GMDS: variants seen among roughly 807,000 people sequenced by gnomAD.
GMDS encodes GDP-mannose 4,6 dehydratase.
Under a neutral mutation model 49.9 loss-of-function variants are expected in GMDS, and 20 were observed. The observed-to-expected ratio is 0.40, with a 90% CI of 0.28 to 0.58. The LOEUF is 0.58. GMDS is among the 20% of genes least tolerant of loss of function. GMDS has a pLI of 0.42. For missense variants in GMDS, 362 were observed against 481.4 expected (o/e 0.75, Z 2.32); for synonymous variants, 177 against 178.6 (o/e 0.99, Z 0.07).
intron 9 of GMDS, among the ~76,000 whole-genome samples, chr6:1,639,570 AG>A (rs576787971): frequency 5.8e-4 from 88 of 152,350 alleles, no homozygotes; most frequent in South Asian, 1.7e-3. Flanking sequence ...AGTCATCGCC[AG>A]CTGAGCATGA....
intron 7 of GMDS, among the ~76,000 whole-genome samples, chr6:1,781,997 C>T (rs1769111650): frequency 6.6e-6 from 1 of 152,082 alleles, no homozygotes; most frequent in African/African-American, 2.4e-5. Flanking sequence ...GACTGCACAG[C>T]AACAGGCTGT....
intron 1 of GMDS, among the ~76,000 whole-genome samples, chr6:2,239,718 C>T (rs1412755289): frequency 1.3e-5 from 2 of 150,668 alleles, no homozygotes; most frequent in South Asian, 4.2e-4. Flanking sequence ...TGGAGTCTTG[C>T]TCTGTCGCCC....
chr6:1,882,020 G>T (rs1561863272), intron 7 of GMDS, among the ~76,000 whole-genome samples: 1 of 152,166 alleles, frequency 6.6e-6, no homozygotes, highest in South Asian at 2.1e-4. Flanking sequence ...GATAATCTAA[G>T]TGATTATTTT....
At chr6:2,070,933 C>T (rs1771953518) in intron 4 of GMDS, among the ~76,000 whole-genome samples, 1 of 152,178 alleles carries the variant, frequency 6.6e-6, no homozygotes, top group Admixed American at 6.5e-5. Context: ...CTGCCACTAC[C>T]ACACACCACA....
intron 7 of GMDS, among the ~76,000 whole-genome samples, chr6:1,769,484 C>T (rs933527549): frequency 2.0e-5 from 3 of 152,244 alleles, no homozygotes; most frequent in African/African-American, 7.2e-5. Flanking sequence ...CTGTAATTCC[C>T]TGCCTTCCCT....
intron 7 of GMDS, among the ~76,000 whole-genome samples, chr6:1,855,859 T>C (rs187359575): frequency 2.6e-5 from 4 of 152,348 alleles, no homozygotes; most frequent in Admixed American, 1.3e-4. Flanking sequence ...CTCTTTTCTA[T>C]CTGCTACTAC....
chr6:2,029,658 T>C (rs1040958350), intron 4 of GMDS, among the ~76,000 whole-genome samples: 2 of 152,176 alleles, frequency 1.3e-5, no homozygotes, highest in Admixed American at 1.3e-4. Flanking sequence ...ACTTCTATTA[T>C]GAAATAATCT....
intron 1 of GMDS, among the ~76,000 whole-genome samples, chr6:2,133,234 G>T (rs2127520199): frequency 6.6e-6 from 1 of 152,182 alleles, no homozygotes; most frequent in East Asian, 1.9e-4. Context: ...AAAAAGAGAA[G>T]AATTATGAAA....
At chr6:1,740,117 C>G (rs938061595) in intron 8 of GMDS, among the ~76,000 whole-genome samples, 3 of 152,006 alleles carry the variant, frequency 2.0e-5, no homozygotes, top group African/African-American at 7.2e-5. Flanking sequence ...ATGCTTACAT[C>G]TTATTTTTCT....
intron 1 of GMDS, among the ~76,000 whole-genome samples, chr6:2,223,436 C>T (rs1780683796): frequency 6.7e-6 from 1 of 149,244 alleles, no homozygotes; most frequent in South Asian, 2.1e-4. Context: ...CAGATGGTCA[C>T]TCCAGCTAAA....
chr6:2,097,418 T>C (rs1037590248), intron 4 of GMDS, among the ~76,000 whole-genome samples: 4 of 152,048 alleles, frequency 2.6e-5, no homozygotes, highest in Non-Finnish European at 5.9e-5. Context: ...AGAAAGAGGG[T>C]GCAGCTTAAG....
At chr6:1,974,732 T>C (rs1192065745) in intron 4 of GMDS, among the ~76,000 whole-genome samples, 1 of 151,658 alleles carries the variant, frequency 6.6e-6, no homozygotes, top group Non-Finnish European at 1.5e-5. Context: ...CTAATGCCCA[T>C]AAAAAGGTAA....
At position 1,635,756 on chromosome 6, in the gene GMDS, A is replaced by T. The variant is rs1763126289; in HGVS notation, c.988-11216T>A. Among the ~76,000 whole-genome samples, 1 of 152,184 alleles carries T rather than the reference A, an allele frequency of 6.6e-6. No individual in the cohort carries two copies. The highest frequency in any genetic ancestry group is 6.5e-5 in the Admixed American group (1 of 15,272). On this transcript the variant is annotated intron_variant, in intron 9 of 10. Transcript: ENST00000380815. The surrounding 1 kb of genome is among the most constrained non-coding windows in gnomAD (Gnocchi z 4.7). ...CTAAAATGATACTGCGGTGGATGTG[A>T]AGGCGCTTTGGAAAAGACAGCTCTA... is the stretch of plus-strand genomic sequence containing the variant.
intron 1 of GMDS, among the ~76,000 whole-genome samples, chr6:2,216,925 A>G (rs948081239): frequency 6.6e-6 from 1 of 152,042 alleles, no homozygotes; most frequent in Non-Finnish European, 1.5e-5. Context: ...TCCTCACGGA[A>G]AGGGAGCTCA....
At chr6:1,861,014 T>A (rs765438876) in intron 7 of GMDS, among the ~76,000 whole-genome samples, 1 of 152,200 alleles carries the variant, frequency 6.6e-6, no homozygotes, top group Non-Finnish European at 1.5e-5. Context: ...CAATGAAATA[T>A]CACGCTTCTC....
At chr6:2,060,945 G>C (rs1322128030) in intron 4 of GMDS, among the ~76,000 whole-genome samples, 1 of 152,036 alleles carries the variant, frequency 6.6e-6, no homozygotes, top group Non-Finnish European at 1.5e-5. Context: ...GCTTGAACCT[G>C]GGACATGGAG....
At chr6:2,031,862 T>C (rs1768984610) in intron 4 of GMDS, among the ~76,000 whole-genome samples, 1 of 152,204 alleles carries the variant, frequency 6.6e-6, no homozygotes, top group East Asian at 1.9e-4. Context: ...GAAAATATTT[T>C]AGGCCCATGG....
chr6:1,866,987 A>G (rs1758472786), intron 7 of GMDS, among the ~76,000 whole-genome samples: 1 of 152,262 alleles, frequency 6.6e-6, no homozygotes, highest in Non-Finnish European at 1.5e-5. Flanking sequence ...ATTTTTAAAA[A>G]GTTAAAACAA....
At chr6:1,657,395 G>C (rs1763918789) in intron 9 of GMDS, among the ~76,000 whole-genome samples, 1 of 152,194 alleles carries the variant, frequency 6.6e-6, no homozygotes, top group African/African-American at 2.4e-5. Context: ...CCTGAAGACA[G>C]CAGGTCAAGT....
Sources: gnomAD v4.1 joint callset for allele counts (sites outside exome capture counted in the v4.1 genomes callset) on GRCh38, gnomAD v4.1.1 for gene constraint, Gnocchi (gnomAD v3.1) non-coding constraint, MANE v1.5 for transcripts, NCBI Gene and HGNC (gene_info 2026-07-23, HGNC 2026-07-21) for gene names.